MCM8: variants seen among roughly 807,000 people sequenced by gnomAD.
MCM8 encodes DNA helicase MCM8.
In MCM8, 85 loss-of-function variants were observed where a neutral mutation model predicts 98.9. The ratio of observed to expected loss-of-function variants is 0.86; its 90% CI spans 0.72 to 1.03. The LOEUF (loss-of-function observed/expected upper bound fraction) is 1.03. MCM8 is among the 50% of genes least tolerant of loss of function. MCM8 has a pLI of 0.00. For missense variants in MCM8, 951 were observed against 997.8 expected, an observed-to-expected ratio of 0.95 and a Z score of 0.63; for synonymous variants, 352 against 338.6, an observed-to-expected ratio of 1.04 and a Z score of -0.44.
Position 5,955,186 on chromosome 20 carries a change from A to G in MCM8, c.421A>G (p.Ile141Val), listed in dbSNP as rs116926921. 1.4e-3 allele frequency: 2,220 copies of G among 1,613,964 alleles called. 16 individuals carry two copies. Among genetic ancestry groups the G allele is most frequent in the East Asian group, 7.2e-3 (325 of 44,850 alleles). Residue 141 changes from isoleucine (I) to valine (V), a missense_variant, in exon 5 of 19, where the codon ATA (isoleucine) becomes GTA (valine). Ile to Val is a conservative substitution (Grantham distance 29). Coordinates refer to ENST00000610722, the MANE Select transcript of MCM8 (RefSeq NM_032485.6). ...TGAAGTAACTAACTTGATACCAGAT[A>G]TAGCAACTGAACTAAGAGATGCACC... Reference protein sequence around the residue: ...GGEVTNLIPDIATELRDAPEK... With the variant: ...GGEVTNLIPDVATELRDAPEK...
intron 11 of MCM8, 34 bp downstream of exon 11, chr20:5,972,071 A>G (rs368440300): frequency 1.7e-5 from 27 of 1,552,198 alleles, no homozygotes; most frequent in Admixed American, 5.3e-5. Flanking sequence ...CTCAAAAAGT[A>G]TATAAGGTTA....
At chr20:5,962,354 T>TAATGGAGGAGTAGCAAGG (rs1568574711) in intron 7 of MCM8, among the ~76,000 whole-genome samples, 5 of 53,520 alleles carry the variant, frequency 9.3e-5, no homozygotes, top group African/African-American at 4.2e-4. Flanking sequence ...CTTCATTTCT[T>TAATGGAGGAGTAGCAAGG]TTTTTTTTTT....
intron 7 of MCM8, among the ~76,000 whole-genome samples, chr20:5,959,314 TTTA>T (rs1164539871): frequency 6.6e-6 from 1 of 152,224 alleles, no homozygotes; most frequent in Non-Finnish European, 1.5e-5. Context: ...TGTTCTCAGT[TTTA>T]TTCCCTTTAT....
At chr20:5,956,470 G>A (rs2088984811) in intron 5 of MCM8, among the ~76,000 whole-genome samples, 1 of 152,158 alleles carries the variant, frequency 6.6e-6, no homozygotes, top group African/African-American at 2.4e-5. Context: ...TTGTTGCCCA[G>A]GCTGGAGTGC....
intron 14 of MCM8, 75 bp from the exon 15 acceptor site, chr20:5,984,706 A>T: frequency 8.1e-7 from 1 of 1,239,238 alleles, no homozygotes; most frequent in Non-Finnish European, 1.1e-6. Context: ...TGAGTAGTAA[A>T]TAAGTGAGTA....
chr20:5,989,646 G>A (rs2089806190), intron 17 of MCM8, among the ~76,000 whole-genome samples: 1 of 152,114 alleles, frequency 6.6e-6, no homozygotes, highest in Non-Finnish European at 1.5e-5. Context: ...TCCTCATAGG[G>A]AGAGACTTTA....
chr20:5,955,083 A>T lies in MCM8; in HGVS notation c.337-19A>T, dbSNP rs761531605. 3 of 1,538,658 alleles carry T rather than the reference A, an allele frequency of 1.9e-6. No homozygotes were observed. The highest frequency in any genetic ancestry group is 2.3e-5 in the East Asian group (1 of 44,364). On this transcript the variant is annotated intron_variant, in intron 4 of 18. Coordinates refer to ENST00000610722, the MANE Select transcript of MCM8 (RefSeq NM_032485.6). Reference sequence around the variant, plus strand: ...CTACAGAAAAGCAATTATTGTTTTCATACTTTTATATTTTATAGGATGAAA... The same window carrying T: ...CTACAGAAAAGCAATTATTGTTTTCTTACTTTTATATTTTATAGGATGAAA...
chr20:5,954,740 G>GT (rs757485844), intron 4 of MCM8, 50 bp downstream of exon 4: 5 of 1,030,150 alleles, frequency 4.9e-6, no homozygotes, highest in Admixed American at 1.8e-5. Context: ...TCTTACCAAT[G>GT]TATTCGAGGT....
In MCM8 at chr20:5,977,869, T is replaced by C. The variant is rs1201373636; in HGVS notation, c.1396-7T>C. On this transcript the variant is annotated splice_polypyrimidine_tract_variant and splice_region_variant and intron_variant, in intron 12 of 18. Transcript: ENST00000610722. ...GGATGATTCTCTTAAACTTTTTGTT[T>C]CCTTAGGCAGCGTGCAATGTTGCCC... 1 of 1,612,252 alleles carries C rather than the reference T, an allele frequency of 6.2e-7. No individual in the cohort carries two copies. Among genetic ancestry groups the C allele is most frequent in the East Asian group, 2.2e-5 (1 of 44,862 alleles).
At chr20:5,984,512 A>T (rs922204891) in intron 14 of MCM8, among the ~76,000 whole-genome samples, 1 of 152,226 alleles carries the variant, frequency 6.6e-6, no homozygotes, top group African/African-American at 2.4e-5. Flanking sequence ...CCAATTAGTG[A>T]TAATAGGACA....
chr20:5,955,938 T>G (rs1375559951), intron 5 of MCM8, among the ~76,000 whole-genome samples: 1 of 151,740 alleles, frequency 6.6e-6, no homozygotes, highest in Admixed American at 6.6e-5. Context: ...CCAGCTAAGT[T>G]TTGGAGTTTT....
chr20:5,970,804 ATTC>A (rs1410401705), intron 10 of MCM8, among the ~76,000 whole-genome samples: 1 of 151,992 alleles, frequency 6.6e-6, no homozygotes, highest in East Asian at 1.9e-4. Flanking sequence ...ACTGTTTTAT[ATTC>A]TTTCTCTTAA....
intron 9 of MCM8, 30 bp from the exon 10 acceptor site, chr20:5,967,800 A>C (rs773332712): frequency 6.5e-7 from 1 of 1,537,560 alleles, no homozygotes. Flanking sequence ...GAAAATACCA[A>C]CTATTGTATT....
chr20:5,964,209 A>G (rs540752016), intron 8 of MCM8, among the ~76,000 whole-genome samples: 11 of 147,336 alleles, frequency 7.5e-5, no homozygotes, highest in African/African-American at 1.2e-4. Flanking sequence ...CTGTAGATCT[A>G]TAGCTCATCC....
intron 17 of MCM8, 21 bp downstream of exon 17, chr20:5,987,379 T>C (rs759995839): frequency 1.2e-5 from 19 of 1,586,958 alleles, no homozygotes; most frequent in Non-Finnish European, 1.5e-5. Flanking sequence ...AATTTCAAAT[T>C]GTTTTAAATG....
chr20:5,992,800 T>G (rs1600318333), intron 17 of MCM8, among the ~76,000 whole-genome samples: 1 of 152,204 alleles, frequency 6.6e-6, no homozygotes, highest in East Asian at 1.9e-4. Flanking sequence ...AATTAATTAA[T>G]TCCTGATTAA....
chr20:5,951,784 A>T (rs543389912), intron 1 of MCM8, among the ~76,000 whole-genome samples: 20 of 152,342 alleles, frequency 1.3e-4, no homozygotes, highest in African/African-American at 4.6e-4. Context: ...TACGTAAACC[A>T]TATTTAATAG....
chr20:5,965,185 T>A (rs1221305704), intron 8 of MCM8: 1 of 152,246 alleles, frequency 6.6e-6, no homozygotes, highest in African/African-American at 2.4e-5. Context: ...AAATGCCCGA[T>A]ATGGCATTCC....
At chr20:5,984,746 C>A in intron 14 of MCM8, 35 bp from the exon 15 acceptor site, 1 of 1,527,206 alleles carries the variant, frequency 6.5e-7, no homozygotes, top group South Asian at 1.2e-5. Flanking sequence ...CTTTTGATTC[C>A]AATCATTGTT....
Sources: allele counts gnomAD v4.1 joint callset (sites outside exome capture counted in the v4.1 genomes callset), GRCh38; gene constraint gnomAD v4.1.1; transcripts MANE v1.5; gene names NCBI Gene and HGNC (gene_info 2026-07-23, HGNC 2026-07-21).